DNAH5: variants seen among roughly 807,000 people sequenced by gnomAD.
DNAH5 encodes the protein axonemal beta dynein heavy chain 5.
Under a neutral mutation model 518.2 loss-of-function variants are expected in DNAH5, and 372 were observed. The ratio of observed to expected loss-of-function variants is 0.72; its 90% CI spans 0.66 to 0.78. The LOEUF is 0.78. Ranked by LOEUF, DNAH5 falls within the 30% of genes least tolerant of loss-of-function variation. The pLI is 0.00. For synonymous variants in DNAH5, 2,039 were observed against 2,025.9 expected (o/e 1.01, Z -0.17); for missense variants, 5,523 against 5,687.0 (o/e 0.97, Z 0.93).
chr5:13,701,326 C>G lies in DNAH5; in HGVS notation c.13449G>C (p.Thr4483=). The change falls in exon 77 of 79, where the codon ACG becomes ACC. Residue 4483 remains threonine, a synonymous_variant. Coordinates refer to ENST00000265104, the MANE Select transcript of DNAH5 (RefSeq NM_001369.3). The part of the protein sequence containing the change: ...FNGRPHCFWM[T]GFFNPQGFLT... ...AAAATCCCTGGGGGTTAAAAAAACC[C>G]GTCATCCAAAAGCAGTGAGGTCGGC... 6.2e-7 allele frequency: 1 copy of G among 1,613,968 alleles called. No homozygotes were observed. Among genetic ancestry groups the G allele is most frequent in the South Asian group, 1.1e-5 (1 of 91,072 alleles).
At chr5:13,821,237 A>C (rs573093894) in intron 40 of DNAH5, among the ~76,000 whole-genome samples, 1 of 152,358 alleles carries the variant, frequency 6.6e-6, no homozygotes, top group Non-Finnish European at 1.5e-5. Flanking sequence ...GCAACTTAAA[A>C]ATAAAGACTC....
At chr5:13,777,116 C>T in intron 54 of DNAH5, 86 bp downstream of exon 54, 3 of 1,326,412 alleles carry the variant, frequency 2.3e-6, no homozygotes, top group Non-Finnish European at 3.2e-6. Flanking sequence ...CACTTATTCA[C>T]ACCACTAATG....
chr5:13,913,665 C>T, intron 11 of DNAH5, 78 bp downstream of exon 11: 2 of 1,534,220 alleles, frequency 1.3e-6, no homozygotes, highest in Non-Finnish European at 1.8e-6. Context: ...TTGAATCATT[C>T]TAAACACTGT....
chr5:13,990,642 C>T (rs1021507899), intron 1 of DNAH5, among the ~76,000 whole-genome samples: 4 of 152,022 alleles, frequency 2.6e-5, no homozygotes, highest in South Asian at 2.1e-4. Context: ...CCAAGGCGGG[C>T]GGATTGCTTG....
intron 1 of DNAH5, among the ~76,000 whole-genome samples, chr5:13,966,714 T>A (rs113546562): frequency 0.014 from 2,070 of 152,322 alleles, 43 homozygotes; most frequent in African/African-American, 0.048. Context: ...ATTGTTTGAT[T>A]TTTTCTTGCC....
intron 22 of DNAH5, among the ~76,000 whole-genome samples, chr5:13,875,210 G>A (rs1450956167): frequency 6.6e-6 from 1 of 152,160 alleles, no homozygotes; most frequent in Non-Finnish European, 1.5e-5. Context: ...GCTCACGACT[G>A]TAATCCCAGC....
At chr5:13,869,273 C>A (rs1194807118) in intron 24 of DNAH5, among the ~76,000 whole-genome samples, 1 of 151,298 alleles carries the variant, frequency 6.6e-6, no homozygotes, top group Admixed American at 6.6e-5. Context: ...GAGTATAAGC[C>A]CAGACATTCC....
intron 70 of DNAH5, among the ~76,000 whole-genome samples, chr5:13,725,919 T>C (rs943775323): frequency 6.6e-6 from 1 of 152,210 alleles, no homozygotes; most frequent in African/African-American, 2.4e-5. Context: ...CCCAAAGTGC[T>C]GGGATTACAG....
intron 1 of DNAH5, among the ~76,000 whole-genome samples, chr5:13,937,513 G>A (rs774673749): frequency 6.7e-5 from 10 of 149,794 alleles, no homozygotes; most frequent in Non-Finnish European, 1.5e-4. Flanking sequence ...CCTCATTTGG[G>A]TAGTCAGTAG....
intron 12 of DNAH5, among the ~76,000 whole-genome samples, chr5:13,904,620 G>T (rs1048923690): frequency 6.6e-6 from 1 of 151,878 alleles, no homozygotes; most frequent in Admixed American, 6.6e-5. Flanking sequence ...TAATAATTAA[G>T]AAATAGTAGG....
intron 1 of DNAH5, among the ~76,000 whole-genome samples, chr5:13,971,581 T>C (rs1033414013): frequency 6.6e-6 from 1 of 152,152 alleles, no homozygotes; most frequent in Admixed American, 6.5e-5. Flanking sequence ...TACTAGGCTA[T>C]GGTCTGGTAC....
At chr5:13,720,836 A>C (rs756463958) in intron 71 of DNAH5, among the ~76,000 whole-genome samples, 164 bp downstream of exon 71, 1 of 147,496 alleles carries the variant, frequency 6.8e-6, no homozygotes, top group Non-Finnish European at 1.5e-5. Flanking sequence ...ACATTGCCTC[A>C]AAAGTTTCAA....
At chr5:13,874,815 C>A (rs1167470530) in intron 22 of DNAH5, among the ~76,000 whole-genome samples, 1 of 152,178 alleles carries the variant, frequency 6.6e-6, no homozygotes, top group Non-Finnish European at 1.5e-5. Flanking sequence ...CTACATCCAG[C>A]CTCAGCTCAT....
At position 13,793,590 on chromosome 5, in the gene DNAH5, G is replaced by T; in HGVS notation, c.8149C>A (p.Pro2717Thr). The T allele has an allele frequency of 1.9e-6, 3 of 1,614,110 alleles. No homozygotes were observed. The South Asian group carries it at 3.3e-5, about 18-fold the overall frequency. The change falls in exon 49 of 79, where the codon CCC becomes ACC. Residue 2717 changes from proline to threonine, a missense_variant. By Grantham distance (38) the Pro-to-Thr change is conservative. This residue lies in a region of DNAH5 where 5,121 missense variants were observed against 5,223.3 expected (regional missense o/e 0.98). Transcript: ENST00000265104. ...GAGAACTGCCTCTTGAGTCTTTGGG[G>T]TATGTCATTGCGTCCACCACCAGGA... is the stretch of plus-strand genomic sequence containing the variant. ...IHPGGGRNDI[P>T]QRLKRQFSIF...
At chr5:13,776,279 AG>A (rs1754073526) in intron 55 of DNAH5, among the ~76,000 whole-genome samples, 159 bp downstream of exon 55, 1 of 152,214 alleles carries the variant, frequency 6.6e-6, no homozygotes, top group South Asian at 2.1e-4. Flanking sequence ...CTACTTAAAA[AG>A]AACACAAATG....
chr5:13,751,311 T>G, intron 64 of DNAH5, 51 bp from the exon 65 acceptor site: 1 of 1,465,850 alleles, frequency 6.8e-7, no homozygotes, highest in Non-Finnish European at 9.4e-7. Context: ...TATACCTTAC[T>G]GTGTCTTTTT....
intron 65 of DNAH5, among the ~76,000 whole-genome samples, chr5:13,741,306 A>G (rs1748502499): frequency 1.3e-5 from 2 of 152,188 alleles, no homozygotes; most frequent in Non-Finnish European, 2.9e-5. Flanking sequence ...AGCACAGTGA[A>G]TCAGGTCTGC....
intron 1 of DNAH5, among the ~76,000 whole-genome samples, chr5:13,963,376 G>A (rs1313551582): frequency 3.9e-5 from 6 of 152,038 alleles, no homozygotes; most frequent in Non-Finnish European, 7.4e-5. Context: ...TCAGGAGTTC[G>A]AGACCAGCCT....
chr5:13,906,934 CAG>C (rs1201916019), intron 12 of DNAH5, among the ~76,000 whole-genome samples: 1 of 151,696 alleles, frequency 6.6e-6, no homozygotes, highest in African/African-American at 2.4e-5. Context: ...GTAAAAATAA[CAG>C]AATAAATTCC....
Sources: allele counts gnomAD v4.1 joint callset (sites outside exome capture counted in the v4.1 genomes callset), GRCh38; gene constraint gnomAD v4.1.1; regional missense constraint gnomAD v4.1.1; transcripts MANE v1.5; gene names NCBI Gene and HGNC (gene_info 2026-07-23, HGNC 2026-07-21).